ZMIZ2: variants seen among roughly 807,000 people sequenced by gnomAD.
ZMIZ2 encodes zinc finger MIZ domain-containing protein 2.
In ZMIZ2, 26 loss-of-function variants were observed where a neutral mutation model predicts 93.9. That is an observed-to-expected ratio of 0.28 (90% CI 0.20 to 0.38). ZMIZ2 has a LOEUF of 0.38. Ranked by LOEUF, ZMIZ2 falls within the 10% of genes least tolerant of loss-of-function variation. The pLI, the probability that ZMIZ2 is intolerant of heterozygous loss-of-function variation, is 1.00. For synonymous variants in ZMIZ2, 485 were observed against 516.4 expected (o/e 0.94, Z 0.82); for missense variants, 1,023 against 1,235.0 (o/e 0.83, Z 2.57).
chr7:44,760,492 C>T lies in ZMIZ2; in HGVS notation c.1139C>T (p.Pro380Leu). Reference protein sequence around the residue: ...LPGNPTPPMTPSSSVPYMSPN... With the variant: ...LPGNPTPPMTLSSSVPYMSPN... ...GGGAACCCCACGCCACCCATGACCC[C>T]AAGCAGCAGCGTCCCTTACATGTCA... Residue 380 changes from proline to leucine, a missense_variant, in exon 9 of 19, where the codon CCA becomes CTA. Transcript: ENST00000309315. The T allele has an allele frequency of 6.2e-7, 1 of 1,614,146 alleles. No individual in the cohort carries two copies. The highest frequency in any genetic ancestry group is 8.5e-7 in the Non-Finnish European group (1 of 1,180,022).
In ZMIZ2 at chr7:44,765,187, G is replaced by T; in HGVS notation, c.1998-148G>T. ...TACCTGAGTGTTGGTGCTGGGCCCA[G>T]CGTCCTGCTCGATGTGGAAGGTGCT... On this transcript the variant is annotated intron_variant, in intron 15 of 18. Transcript: ENST00000309315. The surrounding 1 kb of genome is among the most constrained non-coding windows in gnomAD (Gnocchi z 4.1). The T allele has an allele frequency of 1.3e-6, 2 of 1,482,504 alleles. No individual in the cohort carries two copies. The highest frequency in any genetic ancestry group is 2.3e-5 in the East Asian group (1 of 43,356). 91.8% of individuals were successfully genotyped at this position (1,482,504 alleles called of 1,614,324 possible). A position where few individuals can be genotyped will look rare whatever the true frequency, so the allele number is the denominator to read the frequency against.
rs904538128 is a variant in ZMIZ2 at position 44,756,637 on chromosome 7, G to A, written c.165+98G>A. 17 of 1,329,498 alleles carry A rather than the reference G, an allele frequency of 1.3e-5. No individual in the cohort carries two copies. The South Asian group carries it at 1.5e-4, about 11-fold the overall frequency. 82.4% of individuals were successfully genotyped at this position (1,329,498 alleles called of 1,614,324 possible). On this transcript the variant is annotated intron_variant, in intron 3 of 18. Transcript: ENST00000309315. Reference sequence around the variant, plus strand: ...CAGAGCTCTGAGAGACGAAGAGGCTGAGAGGTGAGGACAGAGAGGCTGAGG... The same window carrying A: ...CAGAGCTCTGAGAGACGAAGAGGCTAAGAGGTGAGGACAGAGAGGCTGAGG...
rs778182445 is a variant in ZMIZ2 at position 44,765,600 on chromosome 7, T to G, written c.2242+21T>G. ...CCAGGGTAAGTACAGCAGGCTAGCC[T>G]TGAACCTCAGATGACCCTGGGCATA... On this transcript the variant is annotated intron_variant, in intron 16 of 18. Coordinates refer to ENST00000309315, the MANE Select transcript of ZMIZ2 (RefSeq NM_031449.4). This position sits in a 1 kb window ranked among gnomAD's most constrained non-coding sequence, Gnocchi z 4.1. The G allele has an allele frequency of 6.0e-6, 9 of 1,489,874 alleles. No homozygotes were observed. Among genetic ancestry groups the G allele is most frequent in the South Asian group, 1.1e-5 (1 of 89,118 alleles). 92.3% of individuals were successfully genotyped at this position (1,489,874 alleles called of 1,614,324 possible).
chr7:44,752,475 C>T (rs989990874), intron 1 of ZMIZ2, among the ~76,000 whole-genome samples: 10 of 152,156 alleles, frequency 6.6e-5, no homozygotes, highest in African/African-American at 2.4e-4. Context: ...CCACCTTCCT[C>T]CTGCCAAAAT....
At chr7:44,758,316 C>T (rs548640469) in intron 6 of ZMIZ2, among the ~76,000 whole-genome samples, 2 of 151,698 alleles carry the variant, frequency 1.3e-5, no homozygotes, top group Non-Finnish European at 2.9e-5. Flanking sequence ...CGTGTCTCTA[C>T]AAAAATTAGC....
Position 44,764,386 on chromosome 7 carries a change from T to C in ZMIZ2, c.1861-33T>C, listed in dbSNP as rs1013963464. Reference sequence around the variant, plus strand: ...CAGATTTTCCCTGTGCTACCCACAATGAGAAACTGACTTTCTTCCCATCTC... The same window carrying C: ...CAGATTTTCCCTGTGCTACCCACAACGAGAAACTGACTTTCTTCCCATCTC... On this transcript the variant is annotated intron_variant, in intron 13 of 18. Coordinates refer to ENST00000309315, the MANE Select transcript of ZMIZ2 (RefSeq NM_031449.4). 3.1e-6 allele frequency: 5 copies of C among 1,607,390 alleles called. No individual in the cohort carries two copies. In the Admixed American group the frequency reaches 5.0e-5, roughly 16 times the overall value.
At position 44,765,935 on chromosome 7, in the gene ZMIZ2, A is replaced by G; in HGVS notation, c.2243-229A>G. On this transcript the variant is annotated intron_variant, in intron 16 of 18. Coordinates refer to ENST00000309315, the MANE Select transcript of ZMIZ2 (RefSeq NM_031449.4). The surrounding 1 kb of genome is among the most constrained non-coding windows in gnomAD (Gnocchi z 4.1). ...GGTGCGTTTGTTTGTGGCTGCTCCC[A>G]TTCCTATAACCTCCGAGACCTTCAC... The G allele has an allele frequency of 2.2e-6, 3 of 1,357,478 alleles. 1 individual carries two copies. The South Asian group carries it at 5.9e-5, about 26-fold the overall frequency. 84.1% of individuals were successfully genotyped at this position (1,357,478 alleles called of 1,614,324 possible). A position where few individuals can be genotyped will look rare whatever the true frequency, so the allele number is the denominator to read the frequency against.
At position 44,766,746 on chromosome 7, in the gene ZMIZ2, G is replaced by A. The variant is rs1321806062; in HGVS notation, c.2655+83G>A. The A allele has an allele frequency of 6.4e-7, 1 of 1,566,900 alleles. No homozygotes were observed. The highest frequency in any genetic ancestry group is 1.4e-5 in the African/African-American group (1 of 73,562). On this transcript the variant is annotated intron_variant, in intron 18 of 18. Coordinates refer to ENST00000309315, the MANE Select transcript of ZMIZ2 (RefSeq NM_031449.4). The surrounding 1 kb of genome is among the most constrained non-coding windows in gnomAD (Gnocchi z 4.4). ...TCTGTTCCAGGTGCGTTCTGGAAGG[G>A]AAGACAGTGACCCCTCAGAGAGCCG...
chr7:44,767,596 C>T lies in ZMIZ2; in HGVS notation c.2736C>T (p.Asp912=). 2 of 1,614,168 alleles carry T rather than the reference C, an allele frequency of 1.2e-6. No homozygotes were observed. Among genetic ancestry groups the T allele is most frequent in the Non-Finnish European group, 1.7e-6 (2 of 1,180,038 alleles). Residue 912 remains aspartate (D), a synonymous_variant, in exon 19 of 19, where the codon GAC becomes GAT. Transcript: ENST00000309315. ...ACCTCCCTACGAACAACAATGACGA[C>T]CTGCTTTCTCTGTTTGAGAACAACT... The part of the protein sequence containing the change: ...PPDLPTNNND[D]LLSLFENN
chr7:44,762,794 G>C, intron 11 of ZMIZ2, 87 bp from the exon 12 acceptor site: 2 of 973,434 alleles, frequency 2.1e-6, no homozygotes, highest in Non-Finnish European at 2.7e-6. Flanking sequence ...GGCAGCCCCT[G>C]ACACACAACC....
Position 44,765,665 on chromosome 7 carries a change from T to C in ZMIZ2, c.2242+86T>C. 1 of 1,520,418 alleles carries C rather than the reference T, an allele frequency of 6.6e-7. No homozygotes were observed. Among genetic ancestry groups the C allele is most frequent in the Non-Finnish European group, 8.9e-7 (1 of 1,129,624 alleles). 94.2% of individuals were successfully genotyped at this position (1,520,418 alleles called of 1,614,324 possible). A position where few individuals can be genotyped will look rare whatever the true frequency, so the allele number is the denominator to read the frequency against. On this transcript the variant is annotated intron_variant, in intron 16 of 18. Transcript: ENST00000309315. This position sits in a 1 kb window ranked among gnomAD's most constrained non-coding sequence, Gnocchi z 4.1. The stretch of plus-strand genomic sequence containing the variant: ...AGATCAGTCTCCTCACCTGCAAGAA[T>C]GTGGCTATGCAGGTCACACACCTAG...
chr7:44,765,471 C>G lies in ZMIZ2; in HGVS notation c.2134C>G (p.Leu712Val). 6.2e-7 allele frequency: 1 copy of G among 1,604,082 alleles called. No individual in the cohort carries two copies. ...CCGCACCGTGAGCCCCGCCCACGTGCTCATGCCCAGCGTGATGGAGATGAT... is the reference window on the plus strand; with the variant it reads ...CCGCACCGTGAGCCCCGCCCACGTGGTCATGCCCAGCGTGATGGAGATGAT... ...RCRTVSPAHV[L>V]MPSVMEMIAA... The change falls in exon 16 of 19, where the codon CTC (leucine) becomes GTC (valine). Residue 712 changes from leucine to valine, a missense_variant. This residue lies in a region of ZMIZ2 where 319 missense variants were observed against 358.8 expected (regional missense o/e 0.89). Transcript: ENST00000309315. This position sits in a 1 kb window ranked among gnomAD's most constrained non-coding sequence, Gnocchi z 4.1.
At position 44,757,912 on chromosome 7, in the gene ZMIZ2, TCCCCGCTGGCATGAA is replaced by T. The variant is rs1790757690; in HGVS notation, c.621_635del (p.Ala208_Pro212del). ...CATGGAGGTCCCCGGGGGCCTAGTG[TCCCCGCTGGCATGAA>T]CCCTACTGGCATAGGAGGGGTAATG... On this transcript the variant is annotated inframe_deletion, in exon 6 of 19. Transcript: ENST00000309315. 1.9e-6 allele frequency: 3 copies of T among 1,609,674 alleles called. No homozygotes were observed. In the African/African-American group the frequency reaches 4.0e-5, roughly 22 times the overall value.
rs754556957 is a variant in ZMIZ2 at position 44,758,080 on chromosome 7, G to A, written c.785G>A (p.Arg262Gln). Reference protein sequence around the residue: ...PGPPQAQPLPRQGVKRTYSEV... With the variant: ...PGPPQAQPLPQQGVKRTYSEV... ...CCTCCCCAGGCCCAGCCACTGCCCC[G>A]ACAGGGGGTCAAGAGAACCTACTCT... The change falls in exon 6 of 19, where the codon CGA (arginine) becomes CAA (glutamine). Residue 262 changes from arginine (R) to glutamine (Q), a missense_variant. Physicochemically the swap from Arg to Gln is conservative, Grantham distance 43 (BLOSUM62 1). Transcript: ENST00000309315. 12 of 1,583,722 alleles carry A rather than the reference G, an allele frequency of 7.6e-6. No homozygotes were observed. Among genetic ancestry groups the A allele is most frequent in the East Asian group, 2.3e-5 (1 of 44,402 alleles).
Position 44,766,587 on chromosome 7 carries a change from C to A in ZMIZ2, c.2579C>A (p.Ala860Asp). ...AGCTTAGGACCTACGGGTGAACTGG[C>A]CTTCAGTCCTGCCACAGGCGTGATG... ...QASLGPTGEL[A>D]FSPATGVMGP... Residue 860 changes from alanine to aspartate, a missense_variant, in exon 18 of 19, where the codon GCC becomes GAC. This residue lies in a region of ZMIZ2 where 319 missense variants were observed against 358.8 expected (regional missense o/e 0.89). Transcript: ENST00000309315. The surrounding 1 kb of genome is among the most constrained non-coding windows in gnomAD (Gnocchi z 4.4). 6.2e-7 allele frequency: 1 copy of A among 1,613,582 alleles called. No homozygotes were observed. Among genetic ancestry groups the A allele is most frequent in the Non-Finnish European group, 8.5e-7 (1 of 1,180,016 alleles).
intron 18 of ZMIZ2, among the ~76,000 whole-genome samples, chr7:44,767,132 G>A (rs1791792544): frequency 6.6e-6 from 1 of 152,132 alleles, no homozygotes; most frequent in African/African-American, 2.4e-5. Flanking sequence ...ACAGCTCCAA[G>A]CAGAAAATCC....
chr7:44,757,072 C>A lies in ZMIZ2; in HGVS notation c.291C>A (p.Gly97=), dbSNP rs541515592. 1 of 1,607,338 alleles carries A rather than the reference C, an allele frequency of 6.2e-7. No individual in the cohort carries two copies. Among genetic ancestry groups the A allele is most frequent in the South Asian group, 1.1e-5 (1 of 90,632 alleles). The change falls in exon 4 of 19, where the codon GGC becomes GGA. Residue 97 remains glycine (G), a synonymous_variant. Coordinates refer to ENST00000309315, the MANE Select transcript of ZMIZ2 (RefSeq NM_031449.4). ...TGGGACAGCAGGCGTTTGCTGAAGG[C>A]GGCGCCAACAAGGGCTACGTGCAGC... ...QCLGQQAFAE[G]GANKGYVQQG...
chr7:44,765,278 G>A lies in ZMIZ2; in HGVS notation c.1998-57G>A. On this transcript the variant is annotated intron_variant, in intron 15 of 18. Coordinates refer to ENST00000309315, the MANE Select transcript of ZMIZ2 (RefSeq NM_031449.4). This position sits in a 1 kb window ranked among gnomAD's most constrained non-coding sequence, Gnocchi z 4.1. ...ACAGCCCAGGGCTGGGAGGGGCAGT[G>A]GGTGCCGGGCCAGCAGCAGGCCAGG... is the stretch of plus-strand genomic sequence containing the variant. The A allele has an allele frequency of 6.3e-7, 1 of 1,597,542 alleles. No homozygotes were observed. Among genetic ancestry groups the A allele is most frequent in the Non-Finnish European group, 8.5e-7 (1 of 1,170,670 alleles).
rs998765380 is a variant in ZMIZ2, at chr7:44,768,070, C to T, written c.*447C>T. On this transcript the variant is annotated 3_prime_UTR_variant, in exon 19 of 19. Transcript: ENST00000309315. ...GGCATCTGGCAGGGCTGGCTCTGTCCCCTGGGCCTTTGGCTCCAGTGGCCC... is the reference window on the plus strand; with the variant it reads ...GGCATCTGGCAGGGCTGGCTCTGTCTCCTGGGCCTTTGGCTCCAGTGGCCC... The T allele has an allele frequency of 1.0e-4, 19 of 184,834 alleles. No homozygotes were observed. The highest frequency in any genetic ancestry group is 2.3e-4 in the Admixed American group (4 of 17,066). The allele number at this position is 184,834 out of a possible 1,614,324, so 11.4% of individuals were successfully genotyped here.
Sources: gnomAD v4.1 joint callset for allele counts (sites outside exome capture counted in the v4.1 genomes callset) on GRCh38, gnomAD v4.1.1 for gene constraint, gnomAD v4.1.1 regional missense constraint, Gnocchi (gnomAD v3.1) non-coding constraint, MANE v1.5 for transcripts, NCBI Gene and HGNC (gene_info 2026-07-23, HGNC 2026-07-21) for gene names.